MYO1H: variants seen among roughly 807,000 people sequenced by gnomAD.
MYO1H encodes the protein unconventional myosin-Ih.
In MYO1H, 118 loss-of-function variants were observed where a neutral mutation model predicts 149.3. That is an observed-to-expected ratio of 0.79 (90% CI 0.68 to 0.92). The LOEUF (loss-of-function observed/expected upper bound fraction) is 0.92. Among genes scored for constraint, MYO1H ranks in the 40% least tolerant of loss-of-function variants. The pLI is 0.00. For synonymous variants in MYO1H, 447 were observed against 465.2 expected (o/e 0.96, Z 0.50); for missense variants, 1,212 against 1,280.7 (o/e 0.95, Z 0.82).
chr12:109,401,180 A>G (rs746130460), exon 6 of MYO1H: 12 of 1,613,758 alleles, frequency 7.4e-6, no homozygotes, highest in East Asian at 2.2e-5. Flanking sequence ...GAATTTCCAC[A>G]TCTTCTACCA....
intron 31 of MYO1H, chr12:109,446,456 G>A (rs1872482035): frequency 2.0e-6 from 2 of 985,380 alleles, no homozygotes; most frequent in Non-Finnish European, 2.4e-6. Flanking sequence ...AAATTTAAGT[G>A]GATTTACCTA....
chr12:109,412,012 G>A, intron 14 of MYO1H, 27 bp downstream of exon 14: 2 of 1,486,076 alleles, frequency 1.3e-6, no homozygotes, highest in South Asian at 2.5e-5. Flanking sequence ...ACCAGATTTT[G>A]CATGGGGGAA....
chr12:109,318,992 T>TTTTTTTTTTTTTTC, the MYO1H span, among the ~76,000 whole-genome samples: 1 of 147,520 alleles, frequency 6.8e-6, no homozygotes, highest in Non-Finnish European at 1.5e-5. Context: ...TTTTTTTTTT[T>TTTTTTTTTTTTTTC]TTGCAACTTT....
At chr12:109,422,240 G>A (rs934990302) in intron 16 of MYO1H, among the ~76,000 whole-genome samples, 9 of 152,204 alleles carry the variant, frequency 5.9e-5, no homozygotes, top group Non-Finnish European at 1.2e-4. Context: ...TTTTTGGAGT[G>A]AGCAGGTGAA....
At chr12:109,436,642 G>A in intron 22 of MYO1H, 86 bp downstream of exon 22, 2 of 886,230 alleles carry the variant, frequency 2.3e-6, no homozygotes, top group Non-Finnish European at 3.6e-6. Flanking sequence ...CTCTCCCCCT[G>A]CTCATCCTTA....
intron 5 of MYO1H, among the ~76,000 whole-genome samples, chr12:109,398,182 C>G (rs1869997400): frequency 6.6e-6 from 1 of 152,188 alleles, no homozygotes; most frequent in Admixed American, 6.5e-5. Context: ...AAGGTGCAAC[C>G]ATTCCGCTCC....
intron 1 of MYO1H, among the ~76,000 whole-genome samples, 162 bp downstream of exon 1, chr12:109,348,134 A>G (rs982831173): frequency 1.3e-5 from 2 of 152,238 alleles, no homozygotes; most frequent in African/African-American, 4.8e-5. Context: ...CTATGTTAAG[A>G]TGATCATGTA....
chr12:109,320,396 G>A, the MYO1H span, among the ~76,000 whole-genome samples: 2 of 147,248 alleles, frequency 1.4e-5, no homozygotes, highest in Non-Finnish European at 3.0e-5. Flanking sequence ...GATCACTTGA[G>A]GACAGGAGTT....
chr12:109,352,518 C>T (rs1868484400), intron 1 of MYO1H, among the ~76,000 whole-genome samples: 1 of 152,192 alleles, frequency 6.6e-6, no homozygotes, highest in Non-Finnish European at 1.5e-5. Context: ...TTATTACATA[C>T]ACTTTTGCTA....
the MYO1H span, among the ~76,000 whole-genome samples, chr12:109,334,255 G>C: frequency 6.6e-6 from 1 of 152,138 alleles, no homozygotes; most frequent in Non-Finnish European, 1.5e-5. Context: ...CTGACCTCAG[G>C]TGATCTCCCT....
rs76418627 is a variant in MYO1H, at chr12:109,438,429, C to T, written c.2210-107C>T. The T allele has an allele frequency of 1.4e-3, 1,113 of 799,930 alleles. 10 individuals are homozygous for T. In the African/African-American group the frequency reaches 0.016, roughly 12 times the overall value. 49.6% of individuals were successfully genotyped at this position (799,930 alleles called of 1,614,324 possible). On this transcript the variant is annotated intron_variant, in intron 22 of 31. Transcript: ENST00000310903. ...CATCTCTGAGGCTAACAGAGTGCTG[C>T]GGTGGGCGTCCAGATGTTTGTTGAA...
chr12:109,393,529 G>T, intron 3 of MYO1H, 83 bp downstream of exon 3: 1 of 734,902 alleles, frequency 1.4e-6, no homozygotes. Context: ...CCACGCATCT[G>T]TCCATCCATT....
intron 1 of MYO1H, among the ~76,000 whole-genome samples, chr12:109,370,606 T>C (rs1424617919): frequency 6.6e-6 from 1 of 152,232 alleles, no homozygotes; most frequent in East Asian, 1.9e-4. Flanking sequence ...TAGAAAGGGC[T>C]ACTACCCATT....
At chr12:109,357,567 T>C (rs1174971822) in intron 1 of MYO1H, among the ~76,000 whole-genome samples, 1 of 152,256 alleles carries the variant, frequency 6.6e-6, no homozygotes, top group Non-Finnish European at 1.5e-5. Context: ...AATGTGTCTG[T>C]GTTCCAATAA....
intron 6 of MYO1H, 139 bp downstream of exon 6, chr12:109,401,411 T>C: frequency 1.2e-6 from 1 of 829,690 alleles, no homozygotes; most frequent in Non-Finnish European, 1.8e-6. Flanking sequence ...TCCATATATA[T>C]ATCACAAGCA....
chr12:109,353,250 C>T (rs376368369), intron 1 of MYO1H, among the ~76,000 whole-genome samples: 2 of 151,748 alleles, frequency 1.3e-5, no homozygotes, highest in South Asian at 2.1e-4. Context: ...AAAAATTAGC[C>T]GGGTATGGTG....
At chr12:109,327,335 A>G in the MYO1H span, among the ~76,000 whole-genome samples, 2 of 151,024 alleles carry the variant, frequency 1.3e-5, no homozygotes, top group African/African-American at 4.9e-5. Flanking sequence ...GGGTTTTACC[A>G]TCTTGGCCAG....
At chr12:109,387,603 C>A (rs1363814668) in intron 1 of MYO1H, among the ~76,000 whole-genome samples, 1 of 152,222 alleles carries the variant, frequency 6.6e-6, no homozygotes, top group East Asian at 1.9e-4. Flanking sequence ...TTCCTGATGT[C>A]CTTTGCTATG....
chr12:109,375,226 C>A (rs1869065348), intron 1 of MYO1H, among the ~76,000 whole-genome samples: 1 of 149,394 alleles, frequency 6.7e-6, no homozygotes, highest in Non-Finnish European at 1.5e-5. Context: ...AATCTTGGCT[C>A]ACTGCAGCCT....
Sources: gnomAD v4.1 joint callset for allele counts (sites outside exome capture counted in the v4.1 genomes callset) on GRCh38, gnomAD v4.1.1 for gene constraint, MANE v1.5 for transcripts, NCBI Gene and HGNC (gene_info 2026-07-23, HGNC 2026-07-21) for gene names.